Variants in EFCAB14 observed in about 807,000 individuals in gnomAD.
The protein encoded by EFCAB14 is EF-hand calcium-binding domain-containing protein 14.
A neutral mutation model predicts 56.5 loss-of-function variants in EFCAB14; 43 were observed. The ratio of observed to expected loss-of-function variants is 0.76; its 90% CI spans 0.60 to 0.98. The LOEUF is 0.98. Among genes scored for constraint, EFCAB14 ranks in the 50% least tolerant of loss-of-function variants. The pLI, the probability that EFCAB14 is intolerant of heterozygous loss-of-function variation, is 0.00. For missense variants in EFCAB14, 538 were observed against 580.3 expected, an observed-to-expected ratio of 0.93 and a Z score of 0.75; for synonymous variants, 235 against 212.9, an observed-to-expected ratio of 1.10 and a Z score of -0.90.
chr1:46,702,694 CATT>C (rs760022368), intron 3 of EFCAB14, among the ~76,000 whole-genome samples: 9 of 152,036 alleles, frequency 5.9e-5, no homozygotes, highest in Non-Finnish European at 1.3e-4. Flanking sequence ...TTATCATCAT[CATT>C]GCCATCGTTT....
At chr1:46,686,895 C>A (rs981405397) in intron 7 of EFCAB14, 25 bp from the exon 8 acceptor site, 26 of 1,607,374 alleles carry the variant, frequency 1.6e-5, no homozygotes, top group African/African-American at 5.4e-5. Flanking sequence ...CAAAAACAAA[C>A]AAACAAAGGG....
intron 3 of EFCAB14, among the ~76,000 whole-genome samples, chr1:46,701,652 A>G (rs1180082128): frequency 1.3e-5 from 2 of 152,238 alleles, no homozygotes; most frequent in South Asian, 2.1e-4. Context: ...CTGAAAGCCA[A>G]TGCCAGCAGG....
At position 46,678,448 on chromosome 1, in the gene EFCAB14, A is replaced by G; in HGVS notation, c.*13T>C. 1.2e-6 allele frequency: 2 copies of G among 1,613,794 alleles called. No individual in the cohort carries two copies. Among genetic ancestry groups the G allele is most frequent in the Non-Finnish European group, 1.7e-6 (2 of 1,179,950 alleles). On this transcript the variant is annotated 3_prime_UTR_variant, in exon 11 of 11. Coordinates refer to ENST00000371933, the MANE Select transcript of EFCAB14 (RefSeq NM_014774.3). ...ATATTAGGCAGTCCATTTCTAAAAT[A>G]TGCCTGATGAAGCTAGATACCTAAA...
At chr1:46,686,654 T>C in intron 8 of EFCAB14, 130 bp downstream of exon 8, 1 of 881,222 alleles carries the variant, frequency 1.1e-6, no homozygotes, top group Non-Finnish European at 1.8e-6. Context: ...ACTAATTTAC[T>C]AATTGCTTTG....
At chr1:46,686,719 A>T in intron 8 of EFCAB14, 65 bp downstream of exon 8, 1 of 1,497,338 alleles carries the variant, frequency 6.7e-7, no homozygotes, top group Non-Finnish European at 9.2e-7. Context: ...AAGTAGCAGT[A>T]GATCAAAAGC....
chr1:46,680,978 T>TC (rs1676784134), intron 10 of EFCAB14, among the ~76,000 whole-genome samples: 1 of 152,110 alleles, frequency 6.6e-6, no homozygotes, highest in African/African-American at 2.4e-5. Flanking sequence ...CATAACTTTT[T>TC]TTTTTTTTTT....
chr1:46,715,546 T>C (rs1677374352), intron 2 of EFCAB14, among the ~76,000 whole-genome samples: 1 of 152,108 alleles, frequency 6.6e-6, no homozygotes, highest in Non-Finnish European at 1.5e-5. Context: ...GGCAATCGTT[T>C]GACAGATGCT....
At chr1:46,689,051 G>A (rs1676936210) in intron 6 of EFCAB14, among the ~76,000 whole-genome samples, 1 of 152,130 alleles carries the variant, frequency 6.6e-6, no homozygotes, top group Admixed American at 6.5e-5. Context: ...GATAACTATA[G>A]GTTTTAAAGG....
chr1:46,686,689 C>G, intron 8 of EFCAB14, 95 bp downstream of exon 8: 3 of 1,247,194 alleles, frequency 2.4e-6, no homozygotes, highest in Non-Finnish European at 3.4e-6. Flanking sequence ...CACATGAGAA[C>G]AAAAGTACGC....
intron 8 of EFCAB14, 149 bp from the exon 9 acceptor site, chr1:46,684,751 T>G: frequency 1.6e-6 from 1 of 632,962 alleles, no homozygotes; most frequent in Non-Finnish European, 2.8e-6. Context: ...CAACATATAC[T>G]GGTGATGTCT....
chr1:46,696,463 A>G (rs1557445303), intron 4 of EFCAB14, 88 bp downstream of exon 4: 2 of 1,277,886 alleles, frequency 1.6e-6, no homozygotes, highest in Non-Finnish European at 2.2e-6. Flanking sequence ...CTTTCAATGA[A>G]AACTTATAAG....
In EFCAB14 at chr1:46,699,663, TAAC is replaced by T. The variant is rs768201305; in HGVS notation, c.481-3017_481-3015del. 7.2e-5 allele frequency among the ~76,000 whole-genome samples: 11 copies of T among 152,268 alleles called. 1 individual carries two copies. The highest frequency in any genetic ancestry group is 2.1e-4 in the South Asian group (1 of 4,826). ...CATCAGTAACTGGGTATAATAATAA[TAAC>T]AACAACAACTATTTAACAACTATCT... On this transcript the variant is annotated intron_variant, in intron 3 of 10. Transcript: ENST00000371933.
At chr1:46,682,500 T>C (rs1217818608) in intron 10 of EFCAB14, among the ~76,000 whole-genome samples, 1 of 152,174 alleles carries the variant, frequency 6.6e-6, no homozygotes, top group Non-Finnish European at 1.5e-5. Context: ...GGTCCTTCAT[T>C]TTTGGAGGGC....
chr1:46,681,483 T>C (rs188357249), intron 10 of EFCAB14, among the ~76,000 whole-genome samples: 2 of 152,274 alleles, frequency 1.3e-5, no homozygotes, highest in Admixed American at 6.5e-5. Flanking sequence ...ACAGTTGCAG[T>C]GCAAGGTCCA....
intron 3 of EFCAB14, among the ~76,000 whole-genome samples, chr1:46,701,259 G>A (rs780939703): frequency 7.9e-5 from 12 of 152,252 alleles, no homozygotes; most frequent in Middle Eastern, 3.4e-3. Context: ...TGAGACCACT[G>A]TAACATGCCC....
chr1:46,685,511 T>C (rs1676866872), intron 8 of EFCAB14, among the ~76,000 whole-genome samples: 1 of 152,218 alleles, frequency 6.6e-6, no homozygotes, highest in East Asian at 1.9e-4. Flanking sequence ...GGAGCTAAAA[T>C]ATGAACATAT....
At chr1:46,709,421 C>T (rs1677276597) in intron 2 of EFCAB14, among the ~76,000 whole-genome samples, 7 of 152,254 alleles carry the variant, frequency 4.6e-5, no homozygotes, top group Admixed American at 4.6e-4. Flanking sequence ...AGATTCAGCA[C>T]CAACAGCCAG....
intron 8 of EFCAB14, among the ~76,000 whole-genome samples, chr1:46,684,863 GA>G (rs1676853790): frequency 1.3e-5 from 2 of 152,324 alleles, no homozygotes; most frequent in East Asian, 3.9e-4. Flanking sequence ...GTTGATGGGG[GA>G]AGGAATGCAT....
intron 1 of EFCAB14, 102 bp downstream of exon 1, chr1:46,717,801 C>T: frequency 4.5e-6 from 6 of 1,324,578 alleles, no homozygotes; most frequent in Non-Finnish European, 6.2e-6. Flanking sequence ...GGCCTACACC[C>T]TTTTTTCTTC....
Sources: gnomAD v4.1 joint callset for allele counts (sites outside exome capture counted in the v4.1 genomes callset) on GRCh38, gnomAD v4.1.1 for gene constraint, MANE v1.5 for transcripts, NCBI Gene and HGNC (gene_info 2026-07-23, HGNC 2026-07-21) for gene names.